LRP1B: variants seen among roughly 807,000 people sequenced by gnomAD.
The protein encoded by LRP1B is low-density lipoprotein receptor-related protein 1B.
A neutral mutation model predicts 556.6 loss-of-function variants in LRP1B; 217 were observed. The ratio of observed to expected loss-of-function variants is 0.39; its 90% CI spans 0.35 to 0.44. LRP1B has a LOEUF of 0.44. Among genes scored for constraint, LRP1B ranks in the 20% least tolerant of loss-of-function variants. LRP1B has a pLI of 1.00. For missense variants in LRP1B, 5,053 were observed against 5,620.8 expected (o/e 0.90, Z 3.23); for synonymous variants, 2,047 against 1,865.8 (o/e 1.10, Z -2.50).
chr2:141,071,510 T>C (rs1164922529), intron 7 of LRP1B, among the ~76,000 whole-genome samples: 2 of 152,044 alleles, frequency 1.3e-5, no homozygotes, highest in Non-Finnish European at 2.9e-5. Context: ...CCAGGGCAAT[T>C]AGGCAGGAGA....
intron 1 of LRP1B, among the ~76,000 whole-genome samples, chr2:141,946,448 A>G (rs1700957152): frequency 6.6e-6 from 1 of 152,158 alleles, no homozygotes; most frequent in African/African-American, 2.4e-5. Flanking sequence ...CGTGAATGAG[A>G]TTAGGTGAAG....
At chr2:140,463,212 A>C (rs1687395798) in intron 60 of LRP1B, among the ~76,000 whole-genome samples, 3 of 152,052 alleles carry the variant, frequency 2.0e-5, no homozygotes, top group Non-Finnish European at 4.4e-5. Flanking sequence ...CTAGTTGATG[A>C]AGAGTGACAA....
intron 1 of LRP1B, among the ~76,000 whole-genome samples, chr2:141,856,663 C>G (rs192337495): frequency 2.2e-4 from 34 of 152,134 alleles, no homozygotes; most frequent in Non-Finnish European, 3.7e-4. Context: ...GTATACAAAA[C>G]AAGGCAAAAA....
chr2:140,942,631 A>G (rs1273332758), intron 20 of LRP1B, among the ~76,000 whole-genome samples: 1 of 152,090 alleles, frequency 6.6e-6, no homozygotes, highest in Non-Finnish European at 1.5e-5. Flanking sequence ...TCGTGAGCCT[A>G]TTTTTAGTAT....
chr2:141,291,729 A>G (rs80258095), intron 3 of LRP1B, among the ~76,000 whole-genome samples: 5 of 151,590 alleles, frequency 3.3e-5, no homozygotes, highest in South Asian at 2.1e-4. Context: ...GGTGGCGGGC[A>G]CCTGTAATCC....
chr2:140,653,773 C>A (rs1382705827), intron 41 of LRP1B, among the ~76,000 whole-genome samples: 4 of 151,642 alleles, frequency 2.6e-5, no homozygotes, highest in Non-Finnish European at 4.4e-5. Flanking sequence ...GCCTGTAATC[C>A]CAGAACTTTG....
At chr2:141,211,254 C>T (rs62174290) in intron 6 of LRP1B, among the ~76,000 whole-genome samples, 42,532 of 150,616 alleles carry the variant, frequency 0.28, 6,805 homozygotes, top group East Asian at 0.66. Flanking sequence ...TCCCAGAGTG[C>T]TGGGATTATA....
intron 2 of LRP1B, among the ~76,000 whole-genome samples, chr2:141,584,004 T>C (rs1011899843): frequency 1.3e-5 from 2 of 151,910 alleles, no homozygotes; most frequent in Non-Finnish European, 2.9e-5. Flanking sequence ...GCAGAAAATT[T>C]TTGTGGCAGC....
At chr2:140,634,239 C>A (rs1416432872) in intron 41 of LRP1B, among the ~76,000 whole-genome samples, 2 of 151,958 alleles carry the variant, frequency 1.3e-5, no homozygotes, top group East Asian at 3.9e-4. Context: ...TGATAAAATC[C>A]AACACCCATT....
At chr2:140,291,314 A>ATTTTTTTT (rs1370713902) in intron 84 of LRP1B, among the ~76,000 whole-genome samples, 24 of 65,114 alleles carry the variant, frequency 3.7e-4, no homozygotes, top group African/African-American at 1.3e-3. Context: ...ATATATATAT[A>ATTTTTTTT]TATATTTTTA....
At chr2:141,575,631 C>A (rs901159745) in intron 2 of LRP1B, among the ~76,000 whole-genome samples, 1 of 151,912 alleles carries the variant, frequency 6.6e-6, no homozygotes, top group Non-Finnish European at 1.5e-5. Context: ...AACTTCTGCA[C>A]AGCAAAAGAA....
chr2:140,392,512 G>A (rs1684067031), intron 66 of LRP1B, among the ~76,000 whole-genome samples: 1 of 151,614 alleles, frequency 6.6e-6, no homozygotes, highest in African/African-American at 2.4e-5. Context: ...TTTGGAGATG[G>A]GATCTTGCTC....
chr2:141,904,169 G>A (rs7589315), intron 1 of LRP1B, among the ~76,000 whole-genome samples: 3,030 of 152,044 alleles, frequency 0.02, 89 homozygotes, highest in African/African-American at 0.069. Flanking sequence ...AAGACCAGTG[G>A]TAGCAATATG....
chr2:141,606,392 G>A (rs979711781), intron 2 of LRP1B, among the ~76,000 whole-genome samples: 3 of 152,102 alleles, frequency 2.0e-5, no homozygotes, highest in African/African-American at 7.2e-5. Context: ...AAAACATTAA[G>A]CTAAAAACCA....
intron 41 of LRP1B, among the ~76,000 whole-genome samples, chr2:140,657,254 T>C (rs1170365669): frequency 6.6e-6 from 1 of 151,962 alleles, no homozygotes; most frequent in Non-Finnish European, 1.5e-5. Flanking sequence ...AAACTGTACT[T>C]CATAATATAG....
At chr2:142,111,519 G>A (rs955848927) in intron 1 of LRP1B, among the ~76,000 whole-genome samples, 1 of 152,122 alleles carries the variant, frequency 6.6e-6, no homozygotes. Context: ...AGTCTTGAGA[G>A]AGCCTTTTGT....
chr2:140,924,436 C>A (rs903050546), intron 20 of LRP1B, among the ~76,000 whole-genome samples: 6 of 151,920 alleles, frequency 3.9e-5, no homozygotes, highest in Non-Finnish European at 7.4e-5. Flanking sequence ...TAAAGACGTT[C>A]AGCAATTATA....
chr2:141,865,698 C>T (rs1698393375), intron 1 of LRP1B, among the ~76,000 whole-genome samples: 1 of 151,734 alleles, frequency 6.6e-6, no homozygotes, highest in Non-Finnish European at 1.5e-5. Flanking sequence ...GAGGTATGTG[C>T]TTTGCTAATC....
chr2:140,540,179 A>G (rs530097155), intron 45 of LRP1B, among the ~76,000 whole-genome samples: 1 of 152,234 alleles, frequency 6.6e-6, no homozygotes, highest in African/African-American at 2.4e-5. Flanking sequence ...AAAAGATATG[A>G]GATGAGGATA....
Sources: gnomAD v4.1 joint callset for allele counts (sites outside exome capture counted in the v4.1 genomes callset) on GRCh38, gnomAD v4.1.1 for gene constraint, MANE v1.5 for transcripts, NCBI Gene and HGNC (gene_info 2026-07-23, HGNC 2026-07-21) for gene names.